Variants in SLC25A13 observed in about 807,000 individuals in gnomAD.
SLC25A13 encodes electrogenic aspartate/glutamate antiporter SLC25A13, mitochondrial.
Under a neutral mutation model 85.5 loss-of-function variants are expected in SLC25A13, and 70 were observed. The observed-to-expected ratio is 0.82, with a 90% CI of 0.68 to 1.00. The LOEUF is 1.00. Among genes scored for constraint, SLC25A13 ranks in the 50% least tolerant of loss-of-function variants. The pLI is 0.00. For missense variants in SLC25A13, 765 were observed against 819.8 expected, an observed-to-expected ratio of 0.93 and a Z score of 0.82; for synonymous variants, 259 against 288.7, an observed-to-expected ratio of 0.90 and a Z score of 1.04.
At chr7:96,212,331 T>C (rs1028781242) in intron 4 of SLC25A13, among the ~76,000 whole-genome samples, 1 of 152,194 alleles carries the variant, frequency 6.6e-6, no homozygotes, top group Admixed American at 6.5e-5. Flanking sequence ...GGGAGCACTG[T>C]ACTAGGTCCT....
intron 3 of SLC25A13, among the ~76,000 whole-genome samples, chr7:96,244,372 G>A (rs545445464): frequency 6.6e-6 from 1 of 152,130 alleles, no homozygotes; most frequent in Admixed American, 6.5e-5. Context: ...GCACACAAAC[G>A]AAGACTCACG....
chr7:96,191,165 A>G lies in SLC25A13; in HGVS notation c.698T>C (p.Ile233Thr). Reference sequence around the variant, plus strand: ...AGCCAGAGTGCTATAGATCTTTCTAATGAGTTCCATGTTGTTAAGGAGCGA... The same window carrying G: ...AGCCAGAGTGCTATAGATCTTTCTAGTGAGTTCCATGTTGTTAAGGAGCGA... ...FNSLLNNMELIRKIYSTLAGT... is the reference protein window; with the variant it reads ...FNSLLNNMELTRKIYSTLAGT... The change falls in exon 7 of 18, where the codon ATT (isoleucine) becomes ACT (threonine). Residue 233 changes from isoleucine (I) to threonine (T), a missense_variant. Transcript: ENST00000265631. 6.2e-7 allele frequency: 1 copy of G among 1,614,112 alleles called. No individual in the cohort carries two copies. The highest frequency in any genetic ancestry group is 8.5e-7 in the Non-Finnish European group (1 of 1,180,012).
At chr7:96,252,846 C>A (rs1308201229) in intron 3 of SLC25A13, among the ~76,000 whole-genome samples, 1 of 152,136 alleles carries the variant, frequency 6.6e-6, no homozygotes, top group Non-Finnish European at 1.5e-5. Context: ...GTAATCCCAG[C>A]ACTTTGGGAG....
At chr7:96,291,859 G>A (rs955605362) in intron 2 of SLC25A13, among the ~76,000 whole-genome samples, 5 of 152,190 alleles carry the variant, frequency 3.3e-5, no homozygotes, top group Admixed American at 1.3e-4. Flanking sequence ...ACAAGGAGGA[G>A]CTGCTACCAT....
chr7:96,194,107 G>A (rs1794961059), intron 5 of SLC25A13, among the ~76,000 whole-genome samples: 1 of 151,882 alleles, frequency 6.6e-6, no homozygotes, highest in African/African-American at 2.4e-5. Flanking sequence ...CCCAAACAGG[G>A]CCCTTGCAGT....
At chr7:96,139,927 A>G (rs1286257256) in intron 14 of SLC25A13, among the ~76,000 whole-genome samples, 4 of 146,852 alleles carry the variant, frequency 2.7e-5, no homozygotes, top group Non-Finnish European at 6.0e-5. Context: ...CATCTCCTTC[A>G]GATATCTGAT....
chr7:96,121,929 C>T lies in SLC25A13; in HGVS notation c.1660G>A (p.Ala554Thr), dbSNP rs774907889. ...IKTRLQVAAR[A>T]GQTTYSGVID... is the part of the protein sequence containing the mutation. ...ACTCCGCTGTAAGTGGTTTGGCCAGCCCGGGCAGCCACCTGTAATCTCGTC... is the reference window on the plus strand; with the variant it reads ...ACTCCGCTGTAAGTGGTTTGGCCAGTCCGGGCAGCCACCTGTAATCTCGTC... Residue 554 changes from alanine (A) to threonine (T), a missense_variant, in exon 16 of 18, where the codon GCT becomes ACT. Ala to Thr is a moderately conservative substitution (Grantham distance 58). Transcript: ENST00000265631. 1 of 1,614,024 alleles carries T rather than the reference C, an allele frequency of 6.2e-7. No individual in the cohort carries two copies. Among genetic ancestry groups the T allele is most frequent in the African/African-American group, 1.3e-5 (1 of 74,912 alleles).
intron 9 of SLC25A13, among the ~76,000 whole-genome samples, chr7:96,188,305 TG>T (rs1347635437): frequency 6.6e-6 from 1 of 152,230 alleles, no homozygotes; most frequent in Non-Finnish European, 1.5e-5. Context: ...TAGAATTTAC[TG>T]AGCACACACC....
chr7:96,124,340 A>C (rs900524687), intron 15 of SLC25A13, among the ~76,000 whole-genome samples: 1 of 152,112 alleles, frequency 6.6e-6, no homozygotes, highest in Non-Finnish European at 1.5e-5. Context: ...TTGCATCTCT[A>C]TCTATATTAT....
At position 96,296,774 on chromosome 7, in the gene SLC25A13, C is replaced by T. The variant is rs989222583; in HGVS notation, c.69+124G>A. On this transcript the variant is annotated intron_variant, in intron 2 of 17. Coordinates refer to ENST00000265631, the MANE Select transcript of SLC25A13 (RefSeq NM_014251.3). The stretch of plus-strand genomic sequence containing the variant: ...GGGATTACAGGCATGAGCCACCGTG[C>T]CGGGCTGACACTTTGGGACTTTTTC... 317 of 976,210 alleles carry T rather than the reference C, an allele frequency of 3.2e-4. 2 individuals are homozygous for T. The South Asian group carries it at 3.3e-3, about 10-fold the overall frequency. 60.5% of individuals were successfully genotyped at this position (976,210 alleles called of 1,614,324 possible). A position where few individuals can be genotyped will look rare whatever the true frequency, so the allele number is the denominator to read the frequency against.
intron 3 of SLC25A13, among the ~76,000 whole-genome samples, chr7:96,255,257 C>T (rs1228105125): frequency 6.6e-6 from 1 of 152,186 alleles, no homozygotes; most frequent in Non-Finnish European, 1.5e-5. Context: ...GTGAATGTTG[C>T]TGGTAACCAG....
intron 14 of SLC25A13, among the ~76,000 whole-genome samples, chr7:96,141,450 T>C (rs1792558889): frequency 6.6e-6 from 1 of 152,210 alleles, no homozygotes; most frequent in African/African-American, 2.4e-5. Context: ...AATGAGTGTG[T>C]TGAGTGAGTG....
chr7:96,201,878 C>A (rs927620792), intron 5 of SLC25A13, among the ~76,000 whole-genome samples: 4 of 152,060 alleles, frequency 2.6e-5, no homozygotes, highest in African/African-American at 9.7e-5. Flanking sequence ...CAAATAGAGT[C>A]GCAAACCGTA....
At chr7:96,176,882 G>A (rs985859009) in intron 11 of SLC25A13, among the ~76,000 whole-genome samples, 1 of 152,178 alleles carries the variant, frequency 6.6e-6, no homozygotes, top group Admixed American at 6.5e-5. Context: ...GGGCTTTGGA[G>A]GTGGACAGAC....
At position 96,189,251 on chromosome 7, in the gene SLC25A13, G is replaced by A. The variant is rs748130181; in HGVS notation, c.933+43C>T. On this transcript the variant is annotated intron_variant, in intron 9 of 17. Coordinates refer to ENST00000265631, the MANE Select transcript of SLC25A13 (RefSeq NM_014251.3). ...AAGTGGAACAGGGTTGGGGTATCCT[G>A]CTAAGGAAACCCCAGAATGCAAGTT... is the stretch of plus-strand genomic sequence containing the variant. 1.7e-5 allele frequency: 26 copies of A among 1,554,298 alleles called. No individual in the cohort carries two copies. In the South Asian group the frequency reaches 1.8e-4, roughly 11 times the overall value.
At chr7:96,280,963 T>G (rs1798654612) in intron 2 of SLC25A13, among the ~76,000 whole-genome samples, 1 of 152,024 alleles carries the variant, frequency 6.6e-6, no homozygotes, top group African/African-American at 2.4e-5. Context: ...ACACAAAAAC[T>G]ATGTGAAAAT....
In SLC25A13 at chr7:96,168,098, GAAAAAAAAAAAAA is replaced by G. The variant is rs543491037; in HGVS notation, c.1311+1934_1311+1946del. 9.7e-3 allele frequency among the ~76,000 whole-genome samples: 192 copies of G among 19,726 alleles called. 2 individuals carry two copies. The highest frequency in any genetic ancestry group is 0.036 in the South Asian group (8 of 222). 12.9% of individuals were successfully genotyped at this position (19,726 alleles called of 152,430 possible). ...CTGGTGACAGAGCGAAACTCTGTCT[GAAAAAAAAAAAAA>G]AAAAAAAAAAAAAAAAAAGCACGTG... On this transcript the variant is annotated intron_variant, in intron 13 of 17. Coordinates refer to ENST00000265631, the MANE Select transcript of SLC25A13 (RefSeq NM_014251.3).
intron 4 of SLC25A13, among the ~76,000 whole-genome samples, chr7:96,229,544 T>A (rs1198190690): frequency 1.3e-5 from 2 of 152,090 alleles, no homozygotes; most frequent in African/African-American, 4.8e-5. Flanking sequence ...CTCTTCACAA[T>A]AAATCTTGCT....
chr7:96,293,252 T>A (rs1799198939), intron 2 of SLC25A13, among the ~76,000 whole-genome samples: 1 of 152,152 alleles, frequency 6.6e-6, no homozygotes, highest in Non-Finnish European at 1.5e-5. Flanking sequence ...CTGGATCCCT[T>A]CCTTACACCT....
Sources: allele counts gnomAD v4.1 joint callset (sites outside exome capture counted in the v4.1 genomes callset), GRCh38; gene constraint gnomAD v4.1.1; transcripts MANE v1.5; gene names NCBI Gene and HGNC (gene_info 2026-07-23, HGNC 2026-07-21).